VOPP1: variants seen among roughly 807,000 people sequenced by gnomAD.
The protein encoded by VOPP1 is WW domain binding protein VOPP1.
In VOPP1, 8 loss-of-function variants were observed where a neutral mutation model predicts 23.5. The observed-to-expected ratio is 0.34, with a 90% CI of 0.20 to 0.61. The LOEUF (loss-of-function observed/expected upper bound fraction) is 0.61. VOPP1 is among the 20% of genes least tolerant of loss of function. The pLI, the probability that VOPP1 is intolerant of heterozygous loss-of-function variation, is 0.78. For missense variants in VOPP1, 174 were observed against 238.1 expected (o/e 0.73, Z 1.77); for synonymous variants, 83 against 97.3 (o/e 0.85, Z 0.86).
In VOPP1 at chr7:55,473,001, G is replaced by T. The variant is rs1420254772; in HGVS notation, c.373C>A (p.Pro125Thr). Residue 125 changes from proline (P) to threonine (T), a missense_variant, in exon 5 of 5, where the codon CCG becomes ACG. Physicochemically the swap from Pro to Thr is conservative, Grantham distance 38. Transcript: ENST00000285279. ...GAATTCCCGACAGGGTTCATCCCCG[G>T]TCCTCCTGGGTCGGTGTAATAGGGC... The part of the protein sequence containing the change: ...GPPYYTDPGG[P>T]GMNPVGNSMA... 6.3e-7 allele frequency: 1 copy of T among 1,596,796 alleles called. No homozygotes were observed.
chr7:55,559,245 T>A (rs758417414), intron 1 of VOPP1, among the ~76,000 whole-genome samples: 4 of 152,152 alleles, frequency 2.6e-5, no homozygotes, highest in Non-Finnish European at 5.9e-5. Context: ...ACTAAATAAA[T>A]CCACTTCCAC....
intron 1 of VOPP1, among the ~76,000 whole-genome samples, chr7:55,549,956 G>A (rs1275064338): frequency 2.0e-5 from 3 of 152,200 alleles, no homozygotes; most frequent in East Asian, 1.9e-4. Context: ...CTGCCTACCC[G>A]GACCAGGAAA....
chr7:55,438,818 TGGGAGGGAAACG>T (rs1426119555), intron 4 of VOPP1, among the ~76,000 whole-genome samples: 2 of 152,112 alleles, frequency 1.3e-5, no homozygotes, highest in African/African-American at 4.8e-5. Flanking sequence ...GCAGCGGGTC[TGGGAGGGAAACG>T]GCTGTGGCTA....
At chr7:55,492,083 T>C (rs1021437788) in intron 4 of VOPP1, among the ~76,000 whole-genome samples, 199 bp downstream of exon 4, 2 of 152,184 alleles carry the variant, frequency 1.3e-5, no homozygotes, top group Non-Finnish European at 2.9e-5. Flanking sequence ...TGTAAGAATA[T>C]GAGGTGACGG....
rs924826775 is a variant in VOPP1 at position 55,504,820 on chromosome 7, A to G, written c.114-7130T>C. On this transcript the variant is annotated intron_variant, in intron 2 of 4. Transcript: ENST00000285279. ...TTATGGTTTCTCTTTATTAGGAAGA[A>G]TCCCAGTTTACTCTCATTTCCACAC... Among the ~76,000 whole-genome samples the G allele has an allele frequency of 3.9e-5, 6 of 152,392 alleles. No individual in the cohort carries two copies. The South Asian group carries it at 1.0e-3, about 26-fold the overall frequency.
intron 4 of VOPP1, among the ~76,000 whole-genome samples, chr7:55,464,867 T>C (rs1791594365): frequency 1.3e-5 from 2 of 152,182 alleles, no homozygotes; most frequent in African/African-American, 4.8e-5. Flanking sequence ...CTAATGGCAT[T>C]GGAGGACTTG....
intron 4 of VOPP1, among the ~76,000 whole-genome samples, chr7:55,453,910 G>T (rs1388881843): frequency 6.6e-6 from 1 of 152,108 alleles, no homozygotes. Flanking sequence ...AGTAGTTTTT[G>T]AGATCTTTTT....
At chr7:55,530,353 T>C (rs1303661292) in intron 1 of VOPP1, among the ~76,000 whole-genome samples, 1 of 152,272 alleles carries the variant, frequency 6.6e-6, no homozygotes, top group South Asian at 2.1e-4. Context: ...GTAAGACTCT[T>C]TTCATTCCAG....
intron 1 of VOPP1, among the ~76,000 whole-genome samples, chr7:55,542,511 C>T (rs994348302): frequency 5.3e-5 from 8 of 152,204 alleles, no homozygotes; most frequent in African/African-American, 1.9e-4. Flanking sequence ...AACAGGCAGG[C>T]TGGCATGGTG....
At chr7:55,496,359 C>T (rs146748918) in intron 3 of VOPP1, among the ~76,000 whole-genome samples, 1 of 152,254 alleles carries the variant, frequency 6.6e-6, no homozygotes, top group Non-Finnish European at 1.5e-5. Flanking sequence ...ACTGGGCCCT[C>T]CCCGTCTCTG....
intron 1 of VOPP1, among the ~76,000 whole-genome samples, chr7:55,555,234 G>T (rs1005017916): frequency 2.6e-5 from 4 of 152,156 alleles, no homozygotes; most frequent in Admixed American, 2.0e-4. Context: ...GCCTGAAGGG[G>T]GAAGCGACAG....
At chr7:55,558,889 G>A (rs1394316185) in intron 1 of VOPP1, among the ~76,000 whole-genome samples, 1 of 152,162 alleles carries the variant, frequency 6.6e-6, no homozygotes, top group African/African-American at 2.4e-5. Flanking sequence ...ACGCAGAGTT[G>A]CTAAAAACCA....
intron 1 of VOPP1, among the ~76,000 whole-genome samples, chr7:55,536,230 G>A (rs1392039757): frequency 6.6e-6 from 1 of 152,186 alleles, no homozygotes; most frequent in Non-Finnish European, 1.5e-5. Context: ...TACATAGGCT[G>A]ATTAAAACTC....
In VOPP1 at chr7:55,552,389, T is replaced by C. The variant is rs561750162; in HGVS notation, c.54+19882A>G. 5.3e-5 allele frequency among the ~76,000 whole-genome samples: 8 copies of C among 152,332 alleles called. No homozygotes were observed. The South Asian group carries it at 1.7e-3, about 32-fold the overall frequency. On this transcript the variant is annotated intron_variant, in intron 1 of 4. Coordinates refer to ENST00000285279, the MANE Select transcript of VOPP1 (RefSeq NM_030796.5). ...GAATGGGGTGGGAAATAGTTTCCCA[T>C]TTCTGTCTTAAATCAAATGGCTGCC...
intron 2 of VOPP1, among the ~76,000 whole-genome samples, chr7:55,519,468 C>A (rs888667985): frequency 1.3e-5 from 2 of 152,118 alleles, no homozygotes; most frequent in African/African-American, 4.8e-5. Context: ...AGGAAGAGCA[C>A]ACAGGAGGAG....
chr7:55,487,875 G>A (rs1210625985), intron 4 of VOPP1, among the ~76,000 whole-genome samples: 2 of 152,208 alleles, frequency 1.3e-5, no homozygotes, highest in African/African-American at 2.4e-5. Flanking sequence ...CAGCCAGCCA[G>A]CCCTTCCTTC....
intron 1 of VOPP1, among the ~76,000 whole-genome samples, chr7:55,553,496 G>T (rs1424208910): frequency 6.6e-6 from 1 of 152,086 alleles, no homozygotes; most frequent in Admixed American, 6.6e-5. Flanking sequence ...TTATTTAGAT[G>T]ATAGATCTAG....
At chr7:55,526,035 T>C (rs1796173115) in intron 1 of VOPP1, among the ~76,000 whole-genome samples, 1 of 152,236 alleles carries the variant, frequency 6.6e-6, no homozygotes, top group African/African-American at 2.4e-5. Context: ...TCCTGGGCTC[T>C]GGGAAAACAG....
At chr7:55,461,739 G>T (rs181552680) in intron 4 of VOPP1, among the ~76,000 whole-genome samples, 4 of 152,262 alleles carry the variant, frequency 2.6e-5, no homozygotes, top group Admixed American at 2.6e-4. Context: ...TCTTTCAAGT[G>T]GGAAATGTAA....
Sources: allele counts gnomAD v4.1 joint callset (sites outside exome capture counted in the v4.1 genomes callset), GRCh38; gene constraint gnomAD v4.1.1; transcripts MANE v1.5; gene names NCBI Gene and HGNC (gene_info 2026-07-23, HGNC 2026-07-21).